The following PCDHA5 variants were observed in gnomAD, a reference collection of about 807,000 sequenced individuals.
PCDHA5 encodes the protein protocadherin alpha-5.
PCDHA5 carries 43 observed loss-of-function variants against 61.6 expected under a neutral mutation model. The observed-to-expected ratio is 0.70, with a 90% CI of 0.55 to 0.90. The LOEUF (loss-of-function observed/expected upper bound fraction) is 0.90, where lower values mean the gene tolerates loss of function less well. Ranked by LOEUF, PCDHA5 falls within the 40% of genes least tolerant of loss-of-function variation. The probability of loss-of-function intolerance (pLI) is 0.00; values close to 1 mark genes in which losing one functional copy is unlikely to be tolerated. For missense variants in PCDHA5, 1,298 were observed against 1,222.7 expected (o/e 1.06, Z -0.92); for synonymous variants, 627 against 543.9 (o/e 1.15, Z -2.13).
rs1368212237 is a variant in PCDHA5 at position 140,829,797 on chromosome 5, G to A, written c.2352+5670G>A. 1.8e-5 allele frequency: 29 copies of A among 1,613,734 alleles called. No individual in the cohort carries two copies. The highest frequency in any genetic ancestry group is 2.4e-5 in the Non-Finnish European group (28 of 1,179,884). Reference sequence around the variant, plus strand: ...AACGCGCCGGCGCTGCTGGCGCCTCGGGTGGGTGGTACTGGTGGTGCAGTG... The same window carrying A: ...AACGCGCCGGCGCTGCTGGCGCCTCAGGTGGGTGGTACTGGTGGTGCAGTG... On this transcript the variant is annotated intron_variant, in intron 1 of 3. Coordinates refer to ENST00000529859, the MANE Select transcript of PCDHA5 (RefSeq NM_018908.3).
At chr5:140,829,405 C>G (rs17853692) in intron 1 of PCDHA5, 14 of 1,614,152 alleles carry the variant, frequency 8.7e-6, no homozygotes, top group South Asian at 4.4e-5. Flanking sequence ...TGTGGGCCAC[C>G]GCCAGCTTGT....
At chr5:140,837,831 T>C (rs1775280897) in intron 1 of PCDHA5, among the ~76,000 whole-genome samples, 1 of 151,530 alleles carries the variant, frequency 6.6e-6, no homozygotes, top group Admixed American at 6.6e-5. Flanking sequence ...TTGCATGTCA[T>C]TGTGCCTGGC....
chr5:140,882,218 G>A, intron 1 of PCDHA5: 5 of 1,545,760 alleles, frequency 3.2e-6, no homozygotes, highest in Non-Finnish European at 4.4e-6. Flanking sequence ...GACAGTTTGA[G>A]GTAAGGCGTT....
intron 1 of PCDHA5, among the ~76,000 whole-genome samples, chr5:140,904,604 T>C (rs1010462159): frequency 2.0e-5 from 3 of 152,094 alleles, no homozygotes; most frequent in Non-Finnish European, 1.5e-5. Flanking sequence ...CTGGATCAAA[T>C]AGTAGTTTTA....
At chr5:140,959,090 G>A (rs797041561) in intron 1 of PCDHA5, among the ~76,000 whole-genome samples, 2 of 151,986 alleles carry the variant, frequency 1.3e-5, no homozygotes, top group African/African-American at 2.4e-5. Flanking sequence ...CCTTGGTTTC[G>A]GACATTCAGC....
intron 1 of PCDHA5, among the ~76,000 whole-genome samples, chr5:140,933,412 A>G (rs1466318521): frequency 2.6e-5 from 4 of 152,066 alleles, no homozygotes; most frequent in Non-Finnish European, 5.9e-5. Flanking sequence ...ATCTACAGAT[A>G]TTCTGTGTTC....
chr5:140,824,610 G>GTTGTTTTTTTTTTTTT (rs1768193318), intron 1 of PCDHA5: 3 of 95,112 alleles, frequency 3.2e-5, no homozygotes, highest in African/African-American at 1.5e-4. Context: ...GCTAATTAAA[G>GTTGTTTTTTTTTTTTT]TTTTTTTTTT....
rs1554168160 is a variant in PCDHA5 at position 140,875,992 on chromosome 5, CT to C, written c.2352+51866del. 5 of 1,613,752 alleles carry C rather than the reference CT, an allele frequency of 3.1e-6. No homozygotes were observed. In the Admixed American group the frequency reaches 8.3e-5, roughly 27 times the overall value. On this transcript the variant is annotated intron_variant, in intron 1 of 3. Transcript: ENST00000529859. ...CTCTCTTTTGACCTATGCGTTAAGT[CT>C]AAATGAGAATTTTGAGCTTAAAATA...
At chr5:140,836,193 A>T (rs1774273849) in intron 1 of PCDHA5, 10 of 1,613,716 alleles carry the variant, frequency 6.2e-6, no homozygotes, top group Non-Finnish European at 8.5e-6. Context: ...CTCAGGCTAC[A>T]ACGCGTGGCT....
At position 141,011,769 on chromosome 5, in the gene PCDHA5, A is replaced by C. The variant is rs2098421803; in HGVS notation, c.*1832A>C. 1 of 153,794 alleles carries C rather than the reference A, an allele frequency of 6.5e-6. No homozygotes were observed. The highest frequency in any genetic ancestry group is 1.5e-5 in the Non-Finnish European group (1 of 68,040). 9.5% of individuals were successfully genotyped at this position (153,794 alleles called of 1,614,324 possible). On this transcript the variant is annotated 3_prime_UTR_variant, in exon 4 of 4. Coordinates refer to ENST00000529859, the MANE Select transcript of PCDHA5 (RefSeq NM_018908.3). ...AATCTGACCTCTTTGAAGTTGCAGA[A>C]TGCTTTGAAATTCTAATGGTATCTG... is the stretch of plus-strand genomic sequence containing the variant.
At chr5:140,849,614 T>C (rs2040994208) in intron 1 of PCDHA5, 1 of 1,598,700 alleles carries the variant, frequency 6.3e-7, no homozygotes, top group East Asian at 2.2e-5. Flanking sequence ...CCCTGATTAG[T>C]GTGATCGACC....
chr5:140,896,902 G>C (rs1427098120), intron 1 of PCDHA5, among the ~76,000 whole-genome samples: 1 of 152,044 alleles, frequency 6.6e-6, no homozygotes, highest in Non-Finnish European at 1.5e-5. Context: ...TTTGATACAA[G>C]CATGCAATGC....
chr5:140,841,080 C>T, intron 1 of PCDHA5: 1 of 535,424 alleles, frequency 1.9e-6, no homozygotes, highest in Non-Finnish European at 3.2e-6. Flanking sequence ...ATAGAAAGTG[C>T]ATAGAAGAAC....
intron 3 of PCDHA5, among the ~76,000 whole-genome samples, chr5:141,005,494 G>A (rs1554260099): frequency 2.0e-5 from 3 of 151,700 alleles, no homozygotes; most frequent in Non-Finnish European, 2.9e-5. Flanking sequence ...ATGAGGTCAG[G>A]AGATCGAGAC....
intron 1 of PCDHA5, chr5:140,827,943 A>T: frequency 1.7e-6 from 2 of 1,183,778 alleles, no homozygotes; most frequent in Admixed American, 2.3e-5. Flanking sequence ...TAGCTAGCCA[A>T]CATTCAAATT....
intron 1 of PCDHA5, chr5:140,884,495 A>T: frequency 6.2e-7 from 1 of 1,614,034 alleles, no homozygotes; most frequent in Non-Finnish European, 8.5e-7. Flanking sequence ...AGTGTGCTCC[A>T]GCGCGGCAGG....
At chr5:140,828,935 A>G in intron 1 of PCDHA5, 1 of 1,614,238 alleles carries the variant, frequency 6.2e-7, no homozygotes, top group Non-Finnish European at 8.5e-7. Flanking sequence ...ATATTCTTTT[A>G]ATAGCCTTGT....
At chr5:140,894,043 C>G (rs1562874850) in intron 1 of PCDHA5, among the ~76,000 whole-genome samples, 1 of 152,050 alleles carries the variant, frequency 6.6e-6, no homozygotes, top group Non-Finnish European at 1.5e-5. Flanking sequence ...AATGTAAGTC[C>G]TCTGTTGAAT....
chr5:140,928,379 G>C, intron 1 of PCDHA5: 1 of 1,614,172 alleles, frequency 6.2e-7, no homozygotes, highest in Non-Finnish European at 8.5e-7. Flanking sequence ...TCAGCCTCTA[G>C]CTTGCTGGCA....
Sources: gnomAD v4.1 joint callset for allele counts (sites outside exome capture counted in the v4.1 genomes callset) on GRCh38, gnomAD v4.1.1 for gene constraint, MANE v1.5 for transcripts, NCBI Gene and HGNC (gene_info 2026-07-23, HGNC 2026-07-21) for gene names.